The following GABRG3 variants were observed in gnomAD, a reference collection of about 807,000 sequenced individuals.
GABRG3 encodes the protein gamma-aminobutyric acid receptor subunit gamma-3.
Under a neutral mutation model 48.8 loss-of-function variants are expected in GABRG3, and 25 were observed. The ratio of observed to expected loss-of-function variants is 0.51; its 90% CI spans 0.37 to 0.72. GABRG3 has a LOEUF of 0.72. GABRG3 is among the 30% of genes least tolerant of loss of function. GABRG3 has a pLI of 0.00. For missense variants in GABRG3, 394 were observed against 577.9 expected, an observed-to-expected ratio of 0.68 and a Z score of 3.26; for synonymous variants, 227 against 217.6, an observed-to-expected ratio of 1.04 and a Z score of -0.38.
intron 2 of GABRG3, among the ~76,000 whole-genome samples, chr15:27,015,440 A>C (rs1042079196): frequency 7.1e-6 from 1 of 140,958 alleles, no homozygotes; most frequent in Admixed American, 7.6e-5. Flanking sequence ...GCTGGAGTGC[A>C]GTGGCGCAAT....
At chr15:27,373,650 A>T (rs1315299862) in intron 5 of GABRG3, among the ~76,000 whole-genome samples, 4 of 152,238 alleles carry the variant, frequency 2.6e-5, no homozygotes, top group Non-Finnish European at 5.9e-5. Flanking sequence ...TAATTCAATT[A>T]CTAAAAAAAA....
chr15:27,035,048 C>T lies in GABRG3; in HGVS notation c.270+8227C>T, dbSNP rs117786159. Among the ~76,000 whole-genome samples the T allele has an allele frequency of 1.3e-4, 20 of 152,258 alleles. No homozygotes were observed. The South Asian group carries it at 2.1e-3, about 16-fold the overall frequency. Reference sequence around the variant, plus strand: ...TAATGGAGCAACGCAGCTTAGGAGACGCCTCTGAGAGTTCATAGGCCGTCC... The same window carrying T: ...TAATGGAGCAACGCAGCTTAGGAGATGCCTCTGAGAGTTCATAGGCCGTCC... On this transcript the variant is annotated intron_variant, in intron 3 of 9. Transcript: ENST00000615808.
At chr15:27,473,886 A>ATG (rs1189374461) in intron 5 of GABRG3, among the ~76,000 whole-genome samples, 1 of 152,234 alleles carries the variant, frequency 6.6e-6, no homozygotes, top group Non-Finnish European at 1.5e-5. Context: ...AAGTTAACAC[A>ATG]AAGTATATGT....
chr15:27,151,439 C>T (rs191230537), intron 3 of GABRG3, among the ~76,000 whole-genome samples: 21 of 151,446 alleles, frequency 1.4e-4, no homozygotes, highest in African/African-American at 3.4e-4. Flanking sequence ...CTTTTTATTG[C>T]GAGTAGTATT....
intron 7 of GABRG3, 31 bp from the exon 8 acceptor site, chr15:27,527,401 CT>C: frequency 1.3e-6 from 2 of 1,599,802 alleles, no homozygotes; most frequent in Non-Finnish European, 1.7e-6. Flanking sequence ...GTGTTGCACC[CT>C]TTTACAACAT....
intron 3 of GABRG3, among the ~76,000 whole-genome samples, chr15:27,074,414 G>A (rs959848968): frequency 3.3e-5 from 5 of 151,912 alleles, no homozygotes; most frequent in Admixed American, 1.3e-4. Flanking sequence ...GCTTCCTTCT[G>A]TGCTGCTGGC....
chr15:27,241,162 T>C (rs1035626618), intron 3 of GABRG3, among the ~76,000 whole-genome samples: 1 of 152,222 alleles, frequency 6.6e-6, no homozygotes, highest in African/African-American at 2.4e-5. Flanking sequence ...GAATTATGTC[T>C]TCTAAAGTCT....
chr15:27,223,903 T>C (rs751560990), intron 3 of GABRG3, among the ~76,000 whole-genome samples: 17 of 152,194 alleles, frequency 1.1e-4, no homozygotes, highest in Admixed American at 2.0e-4. Flanking sequence ...ATCATTTCTT[T>C]GAGATAAATT....
intron 3 of GABRG3, chr15:27,271,456 C>A: frequency 2.3e-6 from 1 of 435,252 alleles, no homozygotes; most frequent in Non-Finnish European, 4.6e-6. Flanking sequence ...AGGCCTAGAC[C>A]ACGCCCTCGG....
At chr15:27,151,720 A>G (rs1480421652) in intron 3 of GABRG3, among the ~76,000 whole-genome samples, 1 of 152,178 alleles carries the variant, frequency 6.6e-6, no homozygotes, top group East Asian at 1.9e-4. Context: ...GATTAACTCA[A>G]CCCAAATGGA....
chr15:27,178,345 C>G (rs12899867), intron 3 of GABRG3, among the ~76,000 whole-genome samples: 3,855 of 152,276 alleles, frequency 0.025, 73 homozygotes, highest in Middle Eastern at 0.048. Context: ...AATCTCTTGA[C>G]AAAAACTCTG....
At chr15:27,306,681 T>TACA (rs774455938) in intron 3 of GABRG3, among the ~76,000 whole-genome samples, 3,010 of 33,536 alleles carry the variant, frequency 0.09, 390 homozygotes, top group Non-Finnish European at 0.14. Context: ...TATAAACATA[T>TACA]ATATGAACAT....
chr15:27,323,210 A>G (rs776448399), intron 3 of GABRG3, among the ~76,000 whole-genome samples: 1 of 152,166 alleles, frequency 6.6e-6, no homozygotes, highest in Non-Finnish European at 1.5e-5. Context: ...AATTCAAAAT[A>G]TTTTTGACAT....
At chr15:27,259,428 C>T (rs1370796186) in intron 3 of GABRG3, among the ~76,000 whole-genome samples, 1 of 152,162 alleles carries the variant, frequency 6.6e-6, no homozygotes. Context: ...TTCTGCAGAG[C>T]CTCCTTGTTT....
intron 5 of GABRG3, among the ~76,000 whole-genome samples, chr15:27,406,780 G>A (rs1042878922): frequency 6.6e-6 from 1 of 152,104 alleles, no homozygotes; most frequent in Non-Finnish European, 1.5e-5. Flanking sequence ...GTACACCAAT[G>A]TAGTTTGTTA....
At chr15:27,418,622 C>T (rs1888015629) in intron 5 of GABRG3, among the ~76,000 whole-genome samples, 2 of 152,150 alleles carry the variant, frequency 1.3e-5, no homozygotes, top group South Asian at 4.1e-4. Flanking sequence ...GCAGAGTGAG[C>T]CCCAGAGAGT....
intron 6 of GABRG3, among the ~76,000 whole-genome samples, chr15:27,491,323 T>C (rs1890348717): frequency 1.3e-5 from 2 of 152,200 alleles, no homozygotes; most frequent in African/African-American, 4.8e-5. Flanking sequence ...AAATTCATAA[T>C]TAGAGAAGCC....
intron 6 of GABRG3, among the ~76,000 whole-genome samples, chr15:27,503,044 T>C (rs1390194975): frequency 2.6e-5 from 4 of 152,198 alleles, no homozygotes; most frequent in African/African-American, 9.7e-5. Flanking sequence ...GTGATCAACT[T>C]AACTTTCAGC....
At chr15:27,223,331 C>A (rs1240100099) in intron 3 of GABRG3, among the ~76,000 whole-genome samples, 1 of 152,208 alleles carries the variant, frequency 6.6e-6, no homozygotes, top group Non-Finnish European at 1.5e-5. Flanking sequence ...GAAAGCCAAT[C>A]GCTGAGACAA....
Sources: gnomAD v4.1 joint callset for allele counts (sites outside exome capture counted in the v4.1 genomes callset) on GRCh38, gnomAD v4.1.1 for gene constraint, MANE v1.5 for transcripts, NCBI Gene and HGNC (gene_info 2026-07-23, HGNC 2026-07-21) for gene names.